The following CAMTA1 variants were observed in gnomAD, a reference collection of about 807,000 sequenced individuals.
CAMTA1 encodes calmodulin-binding transcription activator 1.
In CAMTA1, 27 loss-of-function variants were observed where a neutral mutation model predicts 170.9. The ratio of observed to expected loss-of-function variants is 0.16; its 90% CI spans 0.12 to 0.22. CAMTA1 has a LOEUF of 0.22. CAMTA1 is among the 10% of genes least tolerant of loss of function. CAMTA1 has a pLI of 1.00. For synonymous variants in CAMTA1, 833 were observed against 891.5 expected (o/e 0.93, Z 1.17); for missense variants, 1,619 against 2,217.2 (o/e 0.73, Z 5.42).
rs547084744 is a variant in CAMTA1 at position 6,943,623 on chromosome 1, C to T, written c.234+118413C>T. ...CAGCACTTTGGGAGGCCGAGGTGGG[C>T]GGATCACGAGATCAGAGTTCGAGAC... On this transcript the variant is annotated intron_variant, in intron 3 of 22. Transcript: ENST00000303635. Among the ~76,000 whole-genome samples the T allele has an allele frequency of 7.5e-4, 114 of 152,072 alleles. No individual in the cohort carries two copies. In the Middle Eastern group the frequency reaches 0.017, roughly 23 times the overall value.
At chr1:7,434,914 T>G (rs1048839198) in intron 5 of CAMTA1, among the ~76,000 whole-genome samples, 16 of 149,742 alleles carry the variant, frequency 1.1e-4, no homozygotes, top group Non-Finnish European at 2.2e-4. Context: ...TAGCCAAGCA[T>G]GGTGGCACAT....
intron 5 of CAMTA1, among the ~76,000 whole-genome samples, chr1:7,284,168 C>CTTA (rs1557438233): frequency 6.8e-5 from 8 of 117,038 alleles, no homozygotes; most frequent in Non-Finnish European, 8.6e-5. Flanking sequence ...TCTTCTTCTT[C>CTTA]TTCTTCTTCT....
intron 11 of CAMTA1, among the ~76,000 whole-genome samples, chr1:7,721,085 T>C (rs1253799747): frequency 1.3e-5 from 2 of 152,226 alleles, no homozygotes; most frequent in East Asian, 3.8e-4. Context: ...ACTCACTTTC[T>C]GAATGGTGCT....
chr1:6,787,395 T>C (rs918477832), intron 1 of CAMTA1, among the ~76,000 whole-genome samples: 1 of 152,238 alleles, frequency 6.6e-6, no homozygotes, highest in Non-Finnish European at 1.5e-5. Context: ...AGGGGGAATT[T>C]GAATGCTTTC....
In CAMTA1 at chr1:7,488,255, T is replaced by C. The variant is rs147374961; in HGVS notation, c.510+20354T>C. ...CAGCAGCAGCGCCTGGACAGGGGGC[T>C]GGAGCAGCTGTGAGGCTGGGCCAAG... On this transcript the variant is annotated intron_variant, in intron 6 of 22. Coordinates refer to ENST00000303635, the MANE Select transcript of CAMTA1 (RefSeq NM_015215.4). Among the ~76,000 whole-genome samples, 29 of 152,310 alleles carry C rather than the reference T, an allele frequency of 1.9e-4. No individual in the cohort carries two copies. In the East Asian group the frequency reaches 2.9e-3, roughly 15 times the overall value.
intron 3 of CAMTA1, among the ~76,000 whole-genome samples, chr1:7,070,298 C>G (rs1261358720): frequency 6.6e-6 from 1 of 152,226 alleles, no homozygotes; most frequent in Non-Finnish European, 1.5e-5. Context: ...TCTGGACTTT[C>G]ACGGGAATTC....
rs114113907 is a variant in CAMTA1, at chr1:6,811,847, C to T, written c.46-8334C>T. 3.8e-3 allele frequency among the ~76,000 whole-genome samples: 581 copies of T among 152,292 alleles called. 5 individuals are homozygous for T. The highest frequency in any genetic ancestry group is 0.013 in the African/African-American group (541 of 41,566). Reference sequence around the variant, plus strand: ...CTGTGGCTGCCATTTTCTTGGCGTCCACCTCATTGCTCTGTTACGAGAAAC... The same window carrying T: ...CTGTGGCTGCCATTTTCTTGGCGTCTACCTCATTGCTCTGTTACGAGAAAC... On this transcript the variant is annotated intron_variant, in intron 1 of 22. Coordinates refer to ENST00000303635, the MANE Select transcript of CAMTA1 (RefSeq NM_015215.4).
intron 3 of CAMTA1, among the ~76,000 whole-genome samples, chr1:6,834,094 C>CT (rs1339753950): frequency 4.7e-5 from 7 of 149,390 alleles, no homozygotes; most frequent in Non-Finnish European, 7.4e-5. Context: ...TGAAGGTTTT[C>CT]TTTAGGAATG....
chr1:7,111,194 G>A (rs901538106), intron 4 of CAMTA1, among the ~76,000 whole-genome samples: 1 of 152,152 alleles, frequency 6.6e-6, no homozygotes, highest in Non-Finnish European at 1.5e-5. Flanking sequence ...GCCCAGCTGG[G>A]TAATCTGAAA....
chr1:7,017,070 C>G (rs61780945), intron 3 of CAMTA1, among the ~76,000 whole-genome samples: 1 of 152,062 alleles, frequency 6.6e-6, no homozygotes, highest in Non-Finnish European at 1.5e-5. Flanking sequence ...TGGGAGTCTT[C>G]GACAGCTCTC....
rs1401170790 is a variant in CAMTA1, at chr1:7,682,317, C to T, written c.2914+4584C>T. On this transcript the variant is annotated intron_variant, in intron 11 of 22. Coordinates refer to ENST00000303635, the MANE Select transcript of CAMTA1 (RefSeq NM_015215.4). This position sits in a 1 kb window ranked among gnomAD's most constrained non-coding sequence, Gnocchi z 5.0. ...GCCCCTGCAGCTGGCCAGAGACAGA[C>T]GGGGTTATCCTGTGACTTCTGGGGC... Among the ~76,000 whole-genome samples, 3 of 152,206 alleles carry T rather than the reference C, an allele frequency of 2.0e-5. No individual in the cohort carries two copies. The highest frequency in any genetic ancestry group is 4.8e-5 in the African/African-American group (2 of 41,466).
At chr1:6,816,652 C>T (rs1345918305) in intron 1 of CAMTA1, among the ~76,000 whole-genome samples, 3 of 152,202 alleles carry the variant, frequency 2.0e-5, no homozygotes, top group African/African-American at 4.8e-5. Context: ...TTCCATTCCA[C>T]TGTGTTGTCC....
intron 6 of CAMTA1, among the ~76,000 whole-genome samples, chr1:7,545,710 G>A (rs2094682451): frequency 6.6e-6 from 1 of 152,074 alleles, no homozygotes; most frequent in Non-Finnish European, 1.5e-5. Context: ...ATACATGTTA[G>A]GATGTACCCT....
chr1:7,690,420 A>G (rs914786556), intron 11 of CAMTA1, among the ~76,000 whole-genome samples: 1 of 152,174 alleles, frequency 6.6e-6, no homozygotes, highest in Non-Finnish European at 1.5e-5. Context: ...GTCTCCTGTC[A>G]TACCAAATCC....
At chr1:7,613,869 A>T (rs2095540729) in intron 6 of CAMTA1, among the ~76,000 whole-genome samples, 1 of 136,776 alleles carries the variant, frequency 7.3e-6, no homozygotes. Context: ...AGATGGGAGG[A>T]GAGCGATGGT....
At chr1:7,413,014 T>A (rs2090900891) in intron 5 of CAMTA1, among the ~76,000 whole-genome samples, 2 of 151,076 alleles carry the variant, frequency 1.3e-5, no homozygotes, top group Admixed American at 1.3e-4. Context: ...AAATAGGGAA[T>A]CCTTTCCCCA....
At chr1:7,427,963 A>G (rs528392520) in intron 5 of CAMTA1, among the ~76,000 whole-genome samples, 44 of 152,248 alleles carry the variant, frequency 2.9e-4, no homozygotes, top group South Asian at 1.7e-3. Flanking sequence ...GCTCCAAACT[A>G]CAGAGCAGAC....
chr1:7,003,274 C>A (rs1308070144), intron 3 of CAMTA1, among the ~76,000 whole-genome samples: 1 of 152,248 alleles, frequency 6.6e-6, no homozygotes, highest in African/African-American at 2.4e-5. Context: ...TGCCCCACCA[C>A]CACTACCGCA....
At chr1:7,110,717 A>G (rs999163440) in intron 4 of CAMTA1, among the ~76,000 whole-genome samples, 1 of 152,146 alleles carries the variant, frequency 6.6e-6, no homozygotes, top group African/African-American at 2.4e-5. Context: ...TCTCAGAGGG[A>G]TGGCGCTGCT....
Sources: allele counts gnomAD v4.1 joint callset (sites outside exome capture counted in the v4.1 genomes callset), GRCh38; gene constraint gnomAD v4.1.1; non-coding constraint Gnocchi (gnomAD v3.1); transcripts MANE v1.5; gene names NCBI Gene and HGNC (gene_info 2026-07-23, HGNC 2026-07-21).